Variants in POU2F1 observed in about 807,000 individuals in gnomAD.
POU2F1 encodes POU domain, class 2, transcription factor 1.
Under a neutral mutation model 84.9 loss-of-function variants are expected in POU2F1, and 16 were observed. The observed-to-expected ratio is 0.19, with a 90% CI of 0.13 to 0.29. The LOEUF (loss-of-function observed/expected upper bound fraction) is 0.29. POU2F1 is among the 10% of genes least tolerant of loss of function. The pLI is 1.00. For synonymous variants in POU2F1, 368 were observed against 368.3 expected (o/e 1.00, Z 0.01); for missense variants, 738 against 942.6 (o/e 0.78, Z 2.84).
intron 2 of POU2F1, among the ~76,000 whole-genome samples, chr1:167,357,260 C>T (rs1658998819): frequency 6.7e-6 from 1 of 149,500 alleles, no homozygotes; most frequent in African/African-American, 2.6e-5. Context: ...TTTAATTTTT[C>T]ACCATAAACT....
chr1:167,324,151 G>A (rs1656526951), intron 1 of POU2F1, among the ~76,000 whole-genome samples: 1 of 152,166 alleles, frequency 6.6e-6, no homozygotes, highest in South Asian at 2.1e-4. Flanking sequence ...CTATAAAATA[G>A]TAGGGATAAA....
At chr1:167,241,548 G>C (rs10733050) in intron 1 of POU2F1, 136,046 of 152,176 alleles carry the variant, frequency 0.89, 62,078 homozygotes, top group East Asian at 1. Context: ...AAGGATTAAT[G>C]AGCATACACC....
At chr1:167,259,294 T>G (rs1004628395) in intron 1 of POU2F1, among the ~76,000 whole-genome samples, 3 of 152,142 alleles carry the variant, frequency 2.0e-5, no homozygotes, top group African/African-American at 7.2e-5. Flanking sequence ...CATCCCAGAT[T>G]TGAGGGATGC....
chr1:167,328,640 T>TTC (rs1181804707), intron 1 of POU2F1, among the ~76,000 whole-genome samples: 1 of 152,178 alleles, frequency 6.6e-6, no homozygotes, highest in Non-Finnish European at 1.5e-5. Context: ...TGTACCTCCC[T>TTC]TCTCCCTTGG....
chr1:167,338,070 A>G, intron 2 of POU2F1: 1 of 449,136 alleles, frequency 2.2e-6, no homozygotes, highest in South Asian at 1.6e-5. Flanking sequence ...AAAGCAAAAA[A>G]GTCAGAAATT....
intron 2 of POU2F1, among the ~76,000 whole-genome samples, chr1:167,352,931 G>A (rs1658677292): frequency 6.6e-6 from 1 of 152,246 alleles, no homozygotes; most frequent in Non-Finnish European, 1.5e-5. Flanking sequence ...AAAGAAAATA[G>A]CATTTGAGCT....
intron 7 of POU2F1, among the ~76,000 whole-genome samples, chr1:167,376,750 C>CGAA (rs1660356029): frequency 1.3e-5 from 2 of 152,076 alleles, no homozygotes; most frequent in African/African-American, 4.8e-5. Context: ...ACTAATGATT[C>CGAA]TTTATTATTT....
chr1:167,311,925 C>T (rs1655509572), intron 1 of POU2F1, among the ~76,000 whole-genome samples: 1 of 151,170 alleles, frequency 6.6e-6, no homozygotes, highest in Non-Finnish European at 1.5e-5. Flanking sequence ...GCACACCAAG[C>T]GTGGCTAATT....
At position 167,229,162 on chromosome 1, in the gene POU2F1, A is replaced by ATT. The variant is rs5778543; in HGVS notation, c.61+8215_61+8216dup. 3.0e-3 allele frequency among the ~76,000 whole-genome samples: 445 copies of ATT among 149,272 alleles called. 1 individual carries two copies. Among genetic ancestry groups the ATT allele is most frequent in the African/African-American group, 9.0e-3 (366 of 40,668 alleles). ...TTGCTAGGCAGTAGGAAGTCACTGA[A>ATT]TTTTTTTTTTTTAATTTTTTTTTGT... On this transcript the variant is annotated intron_variant, in intron 1 of 15. Transcript: ENST00000367866.
At chr1:167,317,919 A>G (rs2102622529) in intron 1 of POU2F1, among the ~76,000 whole-genome samples, 1 of 152,358 alleles carries the variant, frequency 6.6e-6, no homozygotes, top group South Asian at 2.1e-4. Context: ...TTCTCGCAGG[A>G]GTCGGGATCT....
chr1:167,342,496 T>A (rs1271989235), intron 2 of POU2F1, among the ~76,000 whole-genome samples: 1 of 152,160 alleles, frequency 6.6e-6, no homozygotes, highest in Non-Finnish European at 1.5e-5. Context: ...TGATCAGATA[T>A]CATTTTCTCC....
intron 1 of POU2F1, among the ~76,000 whole-genome samples, chr1:167,313,375 A>T (rs895786787): frequency 2.6e-5 from 4 of 152,368 alleles, no homozygotes; most frequent in Admixed American, 1.3e-4. Flanking sequence ...AGCTGAAAAA[A>T]TTTTGAAGAA....
At position 167,426,055 on chromosome 1, in the gene POU2F1, A is replaced by G. The variant is rs1650929948; in HGVS notation, c.*10245A>G. The G allele has an allele frequency of 6.6e-6, 1 of 152,062 alleles. No homozygotes were observed. Among genetic ancestry groups the G allele is most frequent in the African/African-American group, 2.4e-5 (1 of 41,398 alleles). 9.4% of individuals were successfully genotyped at this position (152,062 alleles called of 1,614,324 possible). On this transcript the variant is annotated 3_prime_UTR_variant, in exon 16 of 16. Transcript: ENST00000367866. ...GGGGTACTTGGTTCTTGGGTCACAC[A>G]AGCTCTATCCCAAAGCAAAATCCAA...
At chr1:167,362,673 C>T (rs778824053) in intron 2 of POU2F1, among the ~76,000 whole-genome samples, 2 of 152,148 alleles carry the variant, frequency 1.3e-5, no homozygotes, top group Non-Finnish European at 2.9e-5. Flanking sequence ...TACCCACTGG[C>T]TCTAGGCCAC....
intron 6 of POU2F1, among the ~76,000 whole-genome samples, chr1:167,375,171 A>G (rs1231916638): frequency 1.3e-5 from 2 of 152,262 alleles, no homozygotes; most frequent in Non-Finnish European, 2.9e-5. Context: ...TAATTGTTAG[A>G]CAGCTGTCTT....
At chr1:167,293,935 C>T (rs1654101354) in intron 1 of POU2F1, among the ~76,000 whole-genome samples, 2 of 152,078 alleles carry the variant, frequency 1.3e-5, no homozygotes, top group Non-Finnish European at 2.9e-5. Flanking sequence ...ATTCCTATCT[C>T]TCACCTTATA....
At chr1:167,376,990 A>G (rs1057407875) in intron 7 of POU2F1, among the ~76,000 whole-genome samples, 2 of 152,216 alleles carry the variant, frequency 1.3e-5, no homozygotes, top group South Asian at 2.1e-4. Flanking sequence ...TTGTGCTCAG[A>G]TAAGTCTTCA....
At chr1:167,258,863 G>T (rs1422797836) in intron 1 of POU2F1, among the ~76,000 whole-genome samples, 2 of 152,152 alleles carry the variant, frequency 1.3e-5, no homozygotes, top group Non-Finnish European at 2.9e-5. Context: ...TGCCTAATTG[G>T]GGTCCAAGTT....
chr1:167,312,929 C>T (rs1191643618), intron 1 of POU2F1, among the ~76,000 whole-genome samples: 6 of 152,206 alleles, frequency 3.9e-5, no homozygotes, highest in African/African-American at 1.2e-4. Flanking sequence ...AGTATTCACA[C>T]TAACATGCTG....
Sources: gnomAD v4.1 joint callset for allele counts (sites outside exome capture counted in the v4.1 genomes callset) on GRCh38, gnomAD v4.1.1 for gene constraint, MANE v1.5 for transcripts, NCBI Gene and HGNC (gene_info 2026-07-23, HGNC 2026-07-21) for gene names.